Variants in ZNF521 observed in about 807,000 individuals in gnomAD.
The protein encoded by ZNF521 is LYST-interacting protein 3.
ZNF521 carries 14 observed loss-of-function variants against 105.5 expected under a neutral mutation model. That is an observed-to-expected ratio of 0.13 (90% CI 0.09 to 0.21). ZNF521 has a LOEUF of 0.21. Ranked by LOEUF, ZNF521 falls within the 10% of genes least tolerant of loss-of-function variation. ZNF521 has a pLI of 1.00. For synonymous variants in ZNF521, 635 were observed against 606.0 expected, an observed-to-expected ratio of 1.05 and a Z score of -0.70; for missense variants, 1,233 against 1,629.7, an observed-to-expected ratio of 0.76 and a Z score of 4.19.
intron 5 of ZNF521, among the ~76,000 whole-genome samples, chr18:25,176,726 C>T (rs11875462): frequency 1.2e-4 from 18 of 152,316 alleles, no homozygotes; most frequent in African/African-American, 2.4e-4. Context: ...GGGATCGCAG[C>T]GTAGTGCAAC....
intron 3 of ZNF521, among the ~76,000 whole-genome samples, chr18:25,246,043 C>T (rs1374080134): frequency 1.3e-5 from 2 of 151,558 alleles, no homozygotes; most frequent in Admixed American, 6.6e-5. Context: ...TAACCGATTG[C>T]GCCACAGGAA....
chr18:25,180,204 A>T (rs1307884058), intron 5 of ZNF521, among the ~76,000 whole-genome samples: 1 of 152,324 alleles, frequency 6.6e-6, no homozygotes. Flanking sequence ...ATGTATCCTT[A>T]TAAGATAATG....
In ZNF521 at chr18:25,330,411, G is replaced by A. The variant is rs573135986; in HGVS notation, c.41-8224C>T. 1.1e-4 allele frequency among the ~76,000 whole-genome samples: 16 copies of A among 152,036 alleles called. No individual in the cohort carries two copies. The South Asian group carries it at 2.3e-3, about 22-fold the overall frequency. The stretch of plus-strand genomic sequence containing the variant: ...GATCTCTTGACCTCATGATCCACCC[G>A]CCTCAGCTGCCCAAAGTGCTGGGAT... On this transcript the variant is annotated intron_variant, in intron 2 of 7. Transcript: ENST00000361524.
chr18:25,332,361 A>C (rs79896831), intron 2 of ZNF521, among the ~76,000 whole-genome samples: 1 of 150,922 alleles, frequency 6.6e-6, no homozygotes, highest in Non-Finnish European at 1.5e-5. Context: ...AAAAAAAAAA[A>C]AGAGGCTGTG....
rs546916720 is a variant in ZNF521 at position 25,195,762 on chromosome 18, GTT to G, written c.3574-520_3574-519del. Among the ~76,000 whole-genome samples the G allele has an allele frequency of 3.1e-3, 478 of 151,828 alleles. 2 individuals carry two copies. Among genetic ancestry groups the G allele is most frequent in the African/African-American group, 0.011 (452 of 41,514 alleles). ...GGCTAAAGTCTACAATTTAAATGAT[GTT>G]TTAGAAGTTGCTAAGCATTAGTATT... On this transcript the variant is annotated intron_variant, in intron 4 of 7. Coordinates refer to ENST00000361524, the MANE Select transcript of ZNF521 (RefSeq NM_015461.3).
At chr18:25,330,702 G>A (rs1187117894) in intron 2 of ZNF521, among the ~76,000 whole-genome samples, 2 of 152,062 alleles carry the variant, frequency 1.3e-5, no homozygotes, top group Admixed American at 1.3e-4. Flanking sequence ...AAGTTAACAC[G>A]ATTTTACTTG....
chr18:25,322,494 A>C (rs904166168), intron 2 of ZNF521, among the ~76,000 whole-genome samples: 13 of 149,832 alleles, frequency 8.7e-5, no homozygotes, highest in Non-Finnish European at 1.9e-4. Flanking sequence ...GTTTTCGCTT[A>C]AAAGAGATAA....
In ZNF521 at chr18:25,224,567, G is replaced by A; in HGVS notation, c.3351C>T (p.Gly1117=). 6.2e-7 allele frequency: 1 copy of A among 1,614,074 alleles called. No individual in the cohort carries two copies. The highest frequency in any genetic ancestry group is 8.5e-7 in the Non-Finnish European group (1 of 1,180,014). ...INVPPGTNRP[G]LGQNENLSAI... is the part of the protein sequence containing the mutation. The stretch of plus-strand genomic sequence containing the variant: ...CACTCAGATTCTCATTCTGGCCCAA[G>A]CCTGGTCTATTCGTGCCGGGAGGGA... The change falls in exon 4 of 8, where the codon GGC becomes GGT. Residue 1117 remains glycine, a synonymous_variant. Coordinates refer to ENST00000361524, the MANE Select transcript of ZNF521 (RefSeq NM_015461.3).
chr18:25,161,326 G>A (rs1806233197), intron 5 of ZNF521, among the ~76,000 whole-genome samples: 1 of 152,058 alleles, frequency 6.6e-6, no homozygotes, highest in Non-Finnish European at 1.5e-5. Context: ...GGCAATTAAC[G>A]TTATTTGGGA....
At chr18:25,268,248 GAAAC>G (rs1477496977) in intron 3 of ZNF521, among the ~76,000 whole-genome samples, 1 of 152,088 alleles carries the variant, frequency 6.6e-6, no homozygotes, top group Admixed American at 6.6e-5. Flanking sequence ...AGAATGAAAA[GAAAC>G]AAACAAAGCC....
At chr18:25,228,113 G>C (rs9947051) in intron 3 of ZNF521, among the ~76,000 whole-genome samples, 1 of 151,976 alleles carries the variant, frequency 6.6e-6, no homozygotes, top group African/African-American at 2.4e-5. Flanking sequence ...GAAATATTAC[G>C]GGAATGATTT....
intron 3 of ZNF521, among the ~76,000 whole-genome samples, chr18:25,229,476 T>C (rs1416371354): frequency 6.6e-6 from 1 of 152,138 alleles, no homozygotes; most frequent in Non-Finnish European, 1.5e-5. Flanking sequence ...GGATGTGATT[T>C]ATACTTAAAG....
intron 5 of ZNF521, among the ~76,000 whole-genome samples, chr18:25,179,082 A>ATTTCTTATGTG (rs2144584360): frequency 1.1e-5 from 1 of 94,930 alleles, no homozygotes; most frequent in Non-Finnish European, 2.3e-5. Context: ...TTTGAAATGT[A>ATTTCTTATGTG]TTTCTTATGA....
At chr18:25,064,922 ATTG>A (rs1260852560) in intron 7 of ZNF521, among the ~76,000 whole-genome samples, 1 of 152,210 alleles carries the variant, frequency 6.6e-6, no homozygotes, top group African/African-American at 2.4e-5. Flanking sequence ...GAAATAGCAA[ATTG>A]TTTTTATGCC....
intron 3 of ZNF521, among the ~76,000 whole-genome samples, chr18:25,235,939 T>TC (rs11453434): frequency 0.35 from 53,135 of 152,136 alleles, 10,067 homozygotes; most frequent in African/African-American, 0.5. Flanking sequence ...ACTACAATTA[T>TC]CCATATGCCT....
At chr18:25,242,714 T>C (rs1248777384) in intron 3 of ZNF521, among the ~76,000 whole-genome samples, 1 of 152,168 alleles carries the variant, frequency 6.6e-6, no homozygotes, top group South Asian at 2.1e-4. Context: ...CTATCGAATG[T>C]AGTGGGTGAT....
At chr18:25,133,874 T>A (rs996880919) in intron 5 of ZNF521, among the ~76,000 whole-genome samples, 2 of 152,156 alleles carry the variant, frequency 1.3e-5, no homozygotes, top group African/African-American at 4.8e-5. Flanking sequence ...ATAAAAATTC[T>A]GAGCCTGCAA....
At chr18:25,062,867 TG>T in intron 7 of ZNF521, 126 bp from the exon 8 acceptor site, 1 of 941,908 alleles carries the variant, frequency 1.1e-6, no homozygotes. Context: ...CATAATGACT[TG>T]AACAGAACAA....
intron 5 of ZNF521, among the ~76,000 whole-genome samples, chr18:25,163,601 T>C (rs1165077530): frequency 1.3e-5 from 2 of 152,184 alleles, no homozygotes; most frequent in African/African-American, 4.8e-5. Context: ...ACAATGCAAT[T>C]GGAACAGAAC....
Sources: gnomAD v4.1 joint callset for allele counts (sites outside exome capture counted in the v4.1 genomes callset) on GRCh38, gnomAD v4.1.1 for gene constraint, MANE v1.5 for transcripts, NCBI Gene and HGNC (gene_info 2026-07-23, HGNC 2026-07-21) for gene names.